The following RNF220 variants were observed in gnomAD, a reference collection of about 807,000 sequenced individuals.
The protein encoded by RNF220 is ring finger protein 220.
RNF220 carries 7 observed loss-of-function variants against 67.1 expected under a neutral mutation model. That is an observed-to-expected ratio of 0.10 (90% CI 0.06 to 0.20). The LOEUF is 0.20. Among genes scored for constraint, RNF220 ranks in the 10% least tolerant of loss-of-function variants. RNF220 has a pLI of 1.00. For missense variants in RNF220, 565 were observed against 740.3 expected (o/e 0.76, Z 2.75); for synonymous variants, 270 against 283.2 (o/e 0.95, Z 0.47).
At chr1:44,449,043 C>T (rs1652398984) in intron 2 of RNF220, among the ~76,000 whole-genome samples, 1 of 152,210 alleles carries the variant, frequency 6.6e-6, no homozygotes, top group South Asian at 2.1e-4. Flanking sequence ...TCCGTCAGCA[C>T]CTCAAACTCA....
intron 1 of RNF220, 34 bp downstream of exon 1, chr1:44,405,564 G>T (rs1282556680): frequency 5.5e-6 from 2 of 361,704 alleles, no homozygotes; most frequent in African/African-American, 4.4e-5. Flanking sequence ...GGACGTGTGT[G>T]CGTACCCAAG....
At chr1:44,441,934 G>T (rs147896059) in intron 2 of RNF220, among the ~76,000 whole-genome samples, 1 of 152,254 alleles carries the variant, frequency 6.6e-6, no homozygotes, top group East Asian at 1.9e-4. Flanking sequence ...CATTTTAAGA[G>T]GAATAAGTTA....
intron 5 of RNF220, 106 bp downstream of exon 5, chr1:44,626,504 G>A (rs1483520202): frequency 1.2e-6 from 1 of 866,790 alleles, no homozygotes; most frequent in African/African-American, 1.7e-5. Context: ...CCACAGGAGA[G>A]GCCTGAACTG....
At position 44,532,455 on chromosome 1, in the gene RNF220, T is replaced by C. The variant is rs138757056; in HGVS notation, c.626-81710T>C. 5.0e-3 allele frequency among the ~76,000 whole-genome samples: 765 copies of C among 152,306 alleles called. 7 individuals are homozygous for C. Among genetic ancestry groups the C allele is most frequent in the African/African-American group, 0.017 (714 of 41,552 alleles). ...ACCAGAGGTGGACACTTCAGACATATGTGTATTTTGGCATCTTTTATCACG... is the reference window on the plus strand; with the variant it reads ...ACCAGAGGTGGACACTTCAGACATACGTGTATTTTGGCATCTTTTATCACG... On this transcript the variant is annotated intron_variant, in intron 2 of 14. Transcript: ENST00000361799.
intron 2 of RNF220, among the ~76,000 whole-genome samples, chr1:44,466,676 A>G (rs942808806): frequency 6.6e-6 from 1 of 152,254 alleles, no homozygotes; most frequent in Non-Finnish European, 1.5e-5. Flanking sequence ...CCATCAGAGC[A>G]CATGGGTGAC....
rs1227293951 is a variant in RNF220 at position 44,503,310 on chromosome 1, G to T, written c.625+90588G>T. 2.1e-5 allele frequency among the ~76,000 whole-genome samples: 3 copies of T among 143,562 alleles called. No individual in the cohort carries two copies. The Admixed American group carries it at 2.2e-4, about 10-fold the overall frequency. 94.2% of individuals were successfully genotyped at this position (143,562 alleles called of 152,430 possible). The stretch of plus-strand genomic sequence containing the variant: ...GATTGCGCTACTGCACTCCAGCCTG[G>T]GTGACAGAGCCAGATGCTGTCTCAA... On this transcript the variant is annotated intron_variant, in intron 2 of 14. Coordinates refer to ENST00000361799, the MANE Select transcript of RNF220 (RefSeq NM_018150.4).
chr1:44,515,310 G>A (rs1282430710), intron 2 of RNF220, among the ~76,000 whole-genome samples: 1 of 152,172 alleles, frequency 6.6e-6, no homozygotes, highest in Non-Finnish European at 1.5e-5. Flanking sequence ...AGCTGTGGCA[G>A]TTGCTGAGAT....
At chr1:44,440,988 G>A (rs1409112501) in intron 2 of RNF220, among the ~76,000 whole-genome samples, 9 of 152,154 alleles carry the variant, frequency 5.9e-5, no homozygotes, top group East Asian at 3.8e-4. Flanking sequence ...AAGGAGAGCC[G>A]CTGGCCTGCG....
At chr1:44,520,778 C>T (rs1232447699) in intron 2 of RNF220, among the ~76,000 whole-genome samples, 1 of 152,228 alleles carries the variant, frequency 6.6e-6, no homozygotes, top group Admixed American at 6.5e-5. Flanking sequence ...AAGGCTAAGA[C>T]TGTACAAGTT....
At position 44,645,812 on chromosome 1, in the gene RNF220, T is replaced by A. The variant is rs1389077413; in HGVS notation, c.1445+324T>A. On this transcript the variant is annotated intron_variant, in intron 12 of 14. Transcript: ENST00000361799. The surrounding 1 kb of genome is among the most constrained non-coding windows in gnomAD (Gnocchi z 5.0). Reference sequence around the variant, plus strand: ...CAGCCCAGCCGGCACACTTGATTCATCTCCAGTTTCTGTTTCTTAATCGGG... The same window carrying A: ...CAGCCCAGCCGGCACACTTGATTCAACTCCAGTTTCTGTTTCTTAATCGGG... Among the ~76,000 whole-genome samples the A allele has an allele frequency of 1.3e-5, 2 of 152,266 alleles. No individual in the cohort carries two copies. The highest frequency in any genetic ancestry group is 4.8e-5 in the African/African-American group (2 of 41,480).
intron 2 of RNF220, chr1:44,573,020 A>T (rs747153796): frequency 1.1e-4 from 44 of 396,632 alleles, no homozygotes; most frequent in South Asian, 7.7e-4. Flanking sequence ...CACGCAGGAG[A>T]ACTGAAGAGA....
intron 1 of RNF220, among the ~76,000 whole-genome samples, chr1:44,409,649 C>T (rs553920269): frequency 3.9e-5 from 6 of 152,230 alleles, no homozygotes; most frequent in African/African-American, 1.4e-4. Flanking sequence ...CAGTTACTTA[C>T]TTTCCCTTTG....
At chr1:44,423,925 C>T (rs529682148) in intron 2 of RNF220, 22 of 985,412 alleles carry the variant, frequency 2.2e-5, no homozygotes, top group Admixed American at 1.8e-4. Flanking sequence ...TGGCACACGT[C>T]GGCATGCTAA....
chr1:44,605,311 A>AAAAAG (rs35126399), intron 2 of RNF220, among the ~76,000 whole-genome samples: 1,469 of 143,432 alleles, frequency 0.01, 49 homozygotes, highest in African/African-American at 0.027. Context: ...AAAAAAAAAA[A>AAAAAG]AGAAAAGAAA....
At chr1:44,573,273 C>A (rs1664578433) in intron 2 of RNF220, among the ~76,000 whole-genome samples, 1 of 152,176 alleles carries the variant, frequency 6.6e-6, no homozygotes, top group Non-Finnish European at 1.5e-5. Flanking sequence ...TCTTGTTTAT[C>A]TTGAGGATAA....
At chr1:44,644,818 C>A in intron 9 of RNF220, 24 bp downstream of exon 9, 1 of 1,588,482 alleles carries the variant, frequency 6.3e-7, no homozygotes, top group Non-Finnish European at 8.6e-7. Context: ...ACTATGGGGG[C>A]TGGTGGGGCT....
At chr1:44,533,379 C>T (rs780205256) in intron 2 of RNF220, among the ~76,000 whole-genome samples, 1 of 152,058 alleles carries the variant, frequency 6.6e-6, no homozygotes, top group Non-Finnish European at 1.5e-5. Context: ...GTAGTCCTAG[C>T]TACTTGGGAG....
At chr1:44,422,124 A>C (rs1034556936) in intron 2 of RNF220, among the ~76,000 whole-genome samples, 1 of 152,166 alleles carries the variant, frequency 6.6e-6, no homozygotes, top group African/African-American at 2.4e-5. Context: ...TAGGAAGGGA[A>C]ATGCTGAATG....
chr1:44,516,863 A>G (rs1196657460), intron 2 of RNF220, among the ~76,000 whole-genome samples: 1 of 152,072 alleles, frequency 6.6e-6, no homozygotes, highest in African/African-American at 2.4e-5. Flanking sequence ...TTGAAGCTCC[A>G]CACTGCCTAT....
Sources: gnomAD v4.1 joint callset for allele counts (sites outside exome capture counted in the v4.1 genomes callset) on GRCh38, gnomAD v4.1.1 for gene constraint, Gnocchi (gnomAD v3.1) non-coding constraint, MANE v1.5 for transcripts, NCBI Gene and HGNC (gene_info 2026-07-23, HGNC 2026-07-21) for gene names.